Variants in GALNTL6 observed in about 807,000 individuals in gnomAD.
GALNTL6 encodes polypeptide N-acetylgalactosaminyltransferase-like 6.
A neutral mutation model predicts 73.7 loss-of-function variants in GALNTL6; 46 were observed. That is an observed-to-expected ratio of 0.62 (90% confidence interval 0.49 to 0.80). GALNTL6 has a LOEUF of 0.80. GALNTL6 is among the 30% of genes least tolerant of loss of function. The pLI is 0.00. For synonymous variants in GALNTL6, 259 were observed against 263.7 expected (o/e 0.98, Z 0.17); for missense variants, 604 against 755.0 (o/e 0.80, Z 2.34).
intron 4 of GALNTL6, 46 bp downstream of exon 4, chr4:172,311,798 T>C (rs1318599316): frequency 2.2e-6 from 3 of 1,373,674 alleles, no homozygotes; most frequent in Non-Finnish European, 2.9e-6. Context: ...TTTTGGTTTT[T>C]TTTGTCCTTT....
intron 2 of GALNTL6, among the ~76,000 whole-genome samples, chr4:171,826,394 A>G (rs534454439): frequency 6.6e-6 from 1 of 152,302 alleles, no homozygotes; most frequent in East Asian, 1.9e-4. Context: ...TATCCAGACT[A>G]TGAATCACAA....
At chr4:172,704,719 G>C (rs1579365240) in intron 5 of GALNTL6, among the ~76,000 whole-genome samples, 2 of 152,014 alleles carry the variant, frequency 1.3e-5, no homozygotes, top group African/African-American at 4.8e-5. Context: ...TTGGTCTAGA[G>C]TGCAGTTTAA....
intron 5 of GALNTL6, among the ~76,000 whole-genome samples, chr4:172,461,626 G>A (rs1732622962): frequency 6.6e-6 from 1 of 152,188 alleles, no homozygotes; most frequent in Admixed American, 6.5e-5. Context: ...GCATGACTAA[G>A]AGGAGCTAGA....
At chr4:172,080,790 C>G (rs1019586999) in intron 2 of GALNTL6, among the ~76,000 whole-genome samples, 1 of 151,260 alleles carries the variant, frequency 6.6e-6, no homozygotes, top group Non-Finnish European at 1.5e-5. Flanking sequence ...ATGAAATATT[C>G]CAATAAAATA....
rs112370082 is a variant in GALNTL6 at position 172,951,518 on chromosome 4, A to T, written c.1150-519A>T. 5.3e-3 allele frequency among the ~76,000 whole-genome samples: 800 copies of T among 152,358 alleles called. 10 individuals carry two copies. Among genetic ancestry groups the T allele is most frequent in the African/African-American group, 0.018 (753 of 41,578 alleles). ...AATTTCTGATTGATATCTGTGTTGC[A>T]CACATAGAACATCAGAACACACAGT... On this transcript the variant is annotated intron_variant, in intron 9 of 12. Transcript: ENST00000506823.
At chr4:172,788,500 GTC>G (rs1235766916) in intron 5 of GALNTL6, among the ~76,000 whole-genome samples, 1 of 151,692 alleles carries the variant, frequency 6.6e-6, no homozygotes, top group Non-Finnish European at 1.5e-5. Flanking sequence ...GTAAAACCCC[GTC>G]TCTACTAAAA....
intron 2 of GALNTL6, among the ~76,000 whole-genome samples, chr4:172,157,994 C>T (rs1389334363): frequency 1.3e-5 from 2 of 152,146 alleles, no homozygotes; most frequent in Non-Finnish European, 2.9e-5. Context: ...AGCAAACTTT[C>T]ACCAGAAACA....
At chr4:172,351,655 A>G (rs1199466260) in intron 5 of GALNTL6, among the ~76,000 whole-genome samples, 2 of 152,160 alleles carry the variant, frequency 1.3e-5, no homozygotes, top group Non-Finnish European at 2.9e-5. Flanking sequence ...CCCCAAAGCT[A>G]CAACCCTATA....
At chr4:172,924,350 C>T (rs561461348) in intron 8 of GALNTL6, among the ~76,000 whole-genome samples, 7 of 152,304 alleles carry the variant, frequency 4.6e-5, no homozygotes, top group Admixed American at 2.0e-4. Flanking sequence ...ACACTGTCTC[C>T]AATTGAAAGA....
intron 5 of GALNTL6, among the ~76,000 whole-genome samples, chr4:172,556,043 C>T (rs1434896299): frequency 1.3e-5 from 2 of 152,010 alleles, no homozygotes; most frequent in Non-Finnish European, 2.9e-5. Context: ...TGTTAGGATA[C>T]CTTCTGGCAT....
intron 2 of GALNTL6, among the ~76,000 whole-genome samples, chr4:171,911,630 G>A (rs1737479986): frequency 6.6e-6 from 1 of 152,150 alleles, no homozygotes; most frequent in African/African-American, 2.4e-5. Context: ...GACATCCAGG[G>A]ATATCAGTCA....
chr4:171,875,440 T>G (rs908819655), intron 2 of GALNTL6, among the ~76,000 whole-genome samples: 1 of 152,170 alleles, frequency 6.6e-6, no homozygotes, highest in Non-Finnish European at 1.5e-5. Flanking sequence ...GCCTTGTCCC[T>G]GCCTAGTTCC....
At chr4:171,898,332 C>T (rs940561840) in intron 2 of GALNTL6, among the ~76,000 whole-genome samples, 9 of 152,008 alleles carry the variant, frequency 5.9e-5, no homozygotes, top group South Asian at 2.1e-4. Context: ...ACTTAGCATG[C>T]GATTCAACAA....
At chr4:172,568,630 C>T (rs970337727) in intron 5 of GALNTL6, among the ~76,000 whole-genome samples, 1 of 150,946 alleles carries the variant, frequency 6.6e-6, no homozygotes, top group Non-Finnish European at 1.5e-5. Context: ...TGATGGTGGG[C>T]GCCTGTAGTC....
intron 5 of GALNTL6, among the ~76,000 whole-genome samples, chr4:172,599,845 T>G (rs1044980779): frequency 6.6e-6 from 1 of 152,110 alleles, no homozygotes; most frequent in Non-Finnish European, 1.5e-5. Flanking sequence ...TCACATTGCT[T>G]ATAATGGATT....
chr4:172,468,660 A>G (rs764426670), intron 5 of GALNTL6, among the ~76,000 whole-genome samples: 3 of 152,224 alleles, frequency 2.0e-5, no homozygotes, highest in Non-Finnish European at 4.4e-5. Context: ...AGAACACTGT[A>G]ATGCCCAATA....
chr4:172,377,905 C>G (rs989719671), intron 5 of GALNTL6, among the ~76,000 whole-genome samples: 3 of 151,936 alleles, frequency 2.0e-5, no homozygotes, highest in African/African-American at 7.3e-5. Flanking sequence ...ACCAGATCCC[C>G]CCCCCCATGC....
chr4:172,354,928 G>A (rs1247990873), intron 5 of GALNTL6, among the ~76,000 whole-genome samples: 3 of 151,940 alleles, frequency 2.0e-5, no homozygotes, highest in Non-Finnish European at 4.4e-5. Flanking sequence ...CCTGAAGTGC[G>A]AATGTGAATA....
At chr4:171,871,996 T>C (rs1736149704) in intron 2 of GALNTL6, among the ~76,000 whole-genome samples, 1 of 152,202 alleles carries the variant, frequency 6.6e-6, no homozygotes, top group Non-Finnish European at 1.5e-5. Flanking sequence ...GTAGATTACT[T>C]TGAAATAACT....
Sources: gnomAD v4.1 joint callset for allele counts (sites outside exome capture counted in the v4.1 genomes callset) on GRCh38, gnomAD v4.1.1 for gene constraint, MANE v1.5 for transcripts, NCBI Gene and HGNC (gene_info 2026-07-23, HGNC 2026-07-21) for gene names.